The following HIBCH variants were observed in gnomAD, a reference collection of about 807,000 sequenced individuals.
HIBCH encodes 3-hydroxyisobutyryl-CoA hydrolase, mitochondrial.
Under a neutral mutation model 58.2 loss-of-function variants are expected in HIBCH, and 50 were observed. That is an observed-to-expected ratio of 0.86 (90% CI 0.68 to 1.09). The LOEUF (loss-of-function observed/expected upper bound fraction) is 1.09. Among genes scored for constraint, HIBCH ranks in the 50% least tolerant of loss-of-function variants. The pLI, the probability that HIBCH is intolerant of heterozygous loss-of-function variation, is 0.00. For synonymous variants in HIBCH, 151 were observed against 146.9 expected (o/e 1.03, Z -0.20); for missense variants, 450 against 449.7 (o/e 1.00, Z -0.01).
chr2:190,276,806 A>C (rs1344433808), intron 6 of HIBCH, among the ~76,000 whole-genome samples: 1 of 152,184 alleles, frequency 6.6e-6, no homozygotes, highest in African/African-American at 2.4e-5. Context: ...CCAGTCTTTA[A>C]AAATCTGTAG....
At chr2:190,314,271 CA>C (rs9288170) in intron 1 of HIBCH, among the ~76,000 whole-genome samples, 30,729 of 132,432 alleles carry the variant, frequency 0.23, 3,984 homozygotes, top group East Asian at 0.5. Context: ...CCAGTTACTA[CA>C]AAAAAAATAT....
downstream of HIBCH, chr2:190,200,477 C>CTTTA: frequency 4.7e-6 from 1 of 214,644 alleles, no homozygotes. Context: ...CCCCAAATTC[C>CTTTA]AATGGTTGAA....
chr2:190,265,122 CAAAAA>C (rs1167140474), intron 6 of HIBCH, among the ~76,000 whole-genome samples: 60 of 56,278 alleles, frequency 1.1e-3, no homozygotes, highest in African/African-American at 4.1e-3. Context: ...GACTCCGTCT[CAAAAA>C]AAAAAAAAAA....
At chr2:190,267,159 G>C (rs979888078) in intron 6 of HIBCH, among the ~76,000 whole-genome samples, 3 of 152,136 alleles carry the variant, frequency 2.0e-5, no homozygotes, top group African/African-American at 7.2e-5. Flanking sequence ...GTGATGGGGA[G>C]AGTGAGGTGA....
intron 6 of HIBCH, among the ~76,000 whole-genome samples, chr2:190,278,016 T>C (rs1419406356): frequency 6.6e-6 from 1 of 152,202 alleles, no homozygotes; most frequent in East Asian, 1.9e-4. Flanking sequence ...TTATGTGTAA[T>C]ACTAAAATTC....
intron 6 of HIBCH, among the ~76,000 whole-genome samples, chr2:190,265,016 G>A (rs532423659): frequency 1.3e-5 from 2 of 151,338 alleles, no homozygotes; most frequent in African/African-American, 2.4e-5. Flanking sequence ...CTAGCTACTC[G>A]GGAGGCTGAG....
At chr2:190,251,962 C>T (rs1481400026) in intron 8 of HIBCH, among the ~76,000 whole-genome samples, 200 bp downstream of exon 8, 1 of 151,980 alleles carries the variant, frequency 6.6e-6, no homozygotes, top group Non-Finnish European at 1.5e-5. Context: ...GTATCATTAT[C>T]TCCAGTTTGC....
intron 6 of HIBCH, among the ~76,000 whole-genome samples, chr2:190,271,634 C>A (rs1055095529): frequency 2.6e-5 from 4 of 152,188 alleles, no homozygotes; most frequent in Middle Eastern, 3.4e-3. Flanking sequence ...CGATTCCCTG[C>A]AATAGCTTCC....
intron 2 of HIBCH, among the ~76,000 whole-genome samples, chr2:190,301,894 G>A (rs931799713): frequency 2.0e-5 from 3 of 152,136 alleles, no homozygotes; most frequent in Non-Finnish European, 2.9e-5. Flanking sequence ...CTGTGACAGT[G>A]GGGTGCTCAC....
In HIBCH at chr2:190,270,235, AT is replaced by A. The variant is rs536327118; in HGVS notation, c.439-9002del. ...TTAAAGTAAAATAAAATTTAAAAAA[AT>A]GTACTAGTAAAAATAAATTTAGTTA... On this transcript the variant is annotated intron_variant, in intron 6 of 13. Transcript: ENST00000359678. 1.8e-4 allele frequency among the ~76,000 whole-genome samples: 28 copies of A among 151,390 alleles called. No homozygotes were observed. In the East Asian group the frequency reaches 4.3e-3, roughly 23 times the overall value.
chr2:190,302,465 C>A (rs1447728559), intron 2 of HIBCH, among the ~76,000 whole-genome samples: 1 of 152,156 alleles, frequency 6.6e-6, no homozygotes, highest in Non-Finnish European at 1.5e-5. Context: ...TGCAGCCTCC[C>A]TACATAGACT....
chr2:190,286,565 C>T (rs2105980755), intron 6 of HIBCH, among the ~76,000 whole-genome samples: 1 of 152,276 alleles, frequency 6.6e-6, no homozygotes, highest in South Asian at 2.1e-4. Context: ...CTCCATGCAG[C>T]CCTTTCCTGC....
chr2:190,294,498 G>C (rs1331248924), intron 4 of HIBCH, 48 bp downstream of exon 4: 3 of 1,198,982 alleles, frequency 2.5e-6, no homozygotes, highest in Non-Finnish European at 3.7e-6. Flanking sequence ...TACTTGATCA[G>C]TTCTAGTAGG....
downstream of HIBCH, chr2:190,203,175 C>G (rs72915415): frequency 6.0e-6 from 1 of 166,904 alleles, no homozygotes; most frequent in Non-Finnish European, 1.5e-5. Flanking sequence ...TTTTAGAAAT[C>G]GAAAGTTAGA....
chr2:190,259,764 C>CAT (rs956184925), intron 7 of HIBCH, among the ~76,000 whole-genome samples: 4 of 151,840 alleles, frequency 2.6e-5, no homozygotes, highest in Non-Finnish European at 4.4e-5. Flanking sequence ...TGGAGTTTTC[C>CAT]ATATATATAT....
chr2:190,304,621 T>C lies in HIBCH; in HGVS notation c.78+6133A>G, dbSNP rs138624325. Among the ~76,000 whole-genome samples, 20 of 152,180 alleles carry C rather than the reference T, an allele frequency of 1.3e-4. No individual in the cohort carries two copies. Among genetic ancestry groups the C allele is most frequent in the African/African-American group, 4.6e-4 (19 of 41,552 alleles). On this transcript the variant is annotated intron_variant, in intron 2 of 13. Coordinates refer to ENST00000359678, the MANE Select transcript of HIBCH (RefSeq NM_014362.4). This position sits in a 1 kb window ranked among gnomAD's most constrained non-coding sequence, Gnocchi z 4.1. ...AATATTCAAACCACGAAACCAATAT[T>C]CTCAGTTTTGATAAGTGTACCATAG...
At position 190,207,583 on chromosome 2, in the gene HIBCH, T is replaced by G. The variant is rs1300501749; in HGVS notation, c.1045+1297A>C. Among the ~76,000 whole-genome samples, 1 of 152,096 alleles carries G rather than the reference T, an allele frequency of 6.6e-6. No homozygotes were observed. The highest frequency in any genetic ancestry group is 1.5e-5 in the Non-Finnish European group (1 of 68,002). ...AACATAACATAACCTTTTATTCAGA[T>G]AAAAAAGTATATCCAGGCTGGGCAC... On this transcript the variant is annotated intron_variant, in intron 13 of 13. Transcript: ENST00000359678. The surrounding 1 kb of genome is among the most constrained non-coding windows in gnomAD (Gnocchi z 4.5).
intron 9 of HIBCH, among the ~76,000 whole-genome samples, chr2:190,248,182 T>C (rs1024333875): frequency 6.6e-6 from 1 of 152,232 alleles, no homozygotes; most frequent in Admixed American, 6.5e-5. Context: ...TGTTTTGGCC[T>C]AGGAATATTT....
chr2:190,294,684 A>T, intron 3 of HIBCH, 54 bp from the exon 4 acceptor site: 1 of 1,110,496 alleles, frequency 9.0e-7, no homozygotes, highest in Non-Finnish European at 1.4e-6. Flanking sequence ...CAAACTCATT[A>T]AAGTTATATG....
Sources: gnomAD v4.1 joint callset for allele counts (sites outside exome capture counted in the v4.1 genomes callset) on GRCh38, gnomAD v4.1.1 for gene constraint, Gnocchi (gnomAD v3.1) non-coding constraint, MANE v1.5 for transcripts, NCBI Gene and HGNC (gene_info 2026-07-23, HGNC 2026-07-21) for gene names.